The following AMBRA1 variants were observed in gnomAD, a reference collection of about 807,000 sequenced individuals.
AMBRA1 encodes activating molecule in BECN1-regulated autophagy protein 1.
Under a neutral mutation model 125.4 loss-of-function variants are expected in AMBRA1, and 47 were observed. The observed-to-expected ratio is 0.37, with a 90% confidence interval of 0.30 to 0.48. The LOEUF is 0.48. AMBRA1 is among the 20% of genes least tolerant of loss of function. The pLI is 0.99. For synonymous variants in AMBRA1, 626 were observed against 655.5 expected (o/e 0.95, Z 0.69); for missense variants, 1,331 against 1,693.4 (o/e 0.79, Z 3.76).
rs527739812 is a variant in AMBRA1, at chr11:46,508,110, T to C, written c.2339+81A>G. 289 of 1,420,056 alleles carry C rather than the reference T, an allele frequency of 2.0e-4. 2 individuals carry two copies. The East Asian group carries it at 6.2e-3, about 30-fold the overall frequency. The allele number at this position is 1,420,056 out of a possible 1,614,324, so 88.0% of individuals were successfully genotyped here. ...GAGTTGGGAGCAAGAACATCCACCA[T>C]TGTAGCTCCAACAGTGGCCAACTTG... On this transcript the variant is annotated intron_variant, in intron 9 of 17. Transcript: ENST00000683756.
chr11:46,534,685 T>C (rs1217953547), intron 7 of AMBRA1, among the ~76,000 whole-genome samples: 2 of 152,188 alleles, frequency 1.3e-5, no homozygotes, highest in Admixed American at 1.3e-4. Flanking sequence ...CTCTTCCTTT[T>C]TCTGAGAGAC....
At chr11:46,560,558 C>T (rs1178919997) in intron 1 of AMBRA1, among the ~76,000 whole-genome samples, 1 of 152,154 alleles carries the variant, frequency 6.6e-6, no homozygotes, top group Non-Finnish European at 1.5e-5. Flanking sequence ...ATTTTCCTTA[C>T]TCCCACTTAC....
At chr11:46,533,994 G>A (rs1489260710) in intron 7 of AMBRA1, among the ~76,000 whole-genome samples, 3 of 151,146 alleles carry the variant, frequency 2.0e-5, no homozygotes, top group Non-Finnish European at 4.4e-5. Flanking sequence ...GTTTGTTTTC[G>A]CACTTCTTTA....
chr11:46,577,899 G>T (rs1020148564), intron 1 of AMBRA1, among the ~76,000 whole-genome samples: 3 of 151,936 alleles, frequency 2.0e-5, no homozygotes, highest in African/African-American at 7.3e-5. Context: ...GCAGTGAGCC[G>T]ATATAGCACC....
chr11:46,493,016 T>C (rs182261904), intron 11 of AMBRA1, among the ~76,000 whole-genome samples: 2,288 of 152,320 alleles, frequency 0.015, 27 homozygotes, highest in Non-Finnish European at 0.023. Flanking sequence ...GCCACTGCAC[T>C]CCAGCCTGGG....
intron 7 of AMBRA1, chr11:46,530,502 CAGAT>C (rs1952167329): frequency 6.6e-6 from 1 of 152,270 alleles, no homozygotes; most frequent in African/African-American, 2.4e-5. Flanking sequence ...TGCTTCAGGC[CAGAT>C]AGTACAAGAA....
At chr11:46,469,049 A>T (rs908405819) in intron 11 of AMBRA1, among the ~76,000 whole-genome samples, 5 of 152,114 alleles carry the variant, frequency 3.3e-5, no homozygotes, top group Admixed American at 3.3e-4. Flanking sequence ...AGGCTGAGGC[A>T]GGAGAATCAC....
At position 46,409,362 on chromosome 11, in the gene AMBRA1, G is replaced by A. The variant is rs563390638; in HGVS notation, c.3210-656C>T. Among the ~76,000 whole-genome samples, 10 of 152,082 alleles carry A rather than the reference G, an allele frequency of 6.6e-5. No homozygotes were observed. In the South Asian group the frequency reaches 1.5e-3, roughly 22 times the overall value. On this transcript the variant is annotated intron_variant, in intron 16 of 17. Transcript: ENST00000683756. ...ATTACAGGCATACACCACCATGCTCGGCTAATTTTTGTATTTTTAGTAGAG... is the reference window on the plus strand; with the variant it reads ...ATTACAGGCATACACCACCATGCTCAGCTAATTTTTGTATTTTTAGTAGAG...
At chr11:46,489,463 T>G (rs574586600) in intron 11 of AMBRA1, among the ~76,000 whole-genome samples, 1 of 151,788 alleles carries the variant, frequency 6.6e-6, no homozygotes, top group South Asian at 2.1e-4. Context: ...TTTTTATATT[T>G]AAAAAGAAGA....
intron 11 of AMBRA1, among the ~76,000 whole-genome samples, chr11:46,460,712 G>A (rs931788896): frequency 6.6e-6 from 1 of 152,304 alleles, no homozygotes; most frequent in East Asian, 1.9e-4. Flanking sequence ...AAAGTCATAA[G>A]AGCAGATGCC....
At chr11:46,510,217 C>G (rs1951205038) in intron 8 of AMBRA1, among the ~76,000 whole-genome samples, 1 of 152,152 alleles carries the variant, frequency 6.6e-6, no homozygotes, top group Non-Finnish European at 1.5e-5. Flanking sequence ...ATGCCTTGGC[C>G]AAGAGAATCA....
At chr11:46,533,275 G>C (rs1043974910) in intron 7 of AMBRA1, among the ~76,000 whole-genome samples, 1 of 152,170 alleles carries the variant, frequency 6.6e-6, no homozygotes, top group Non-Finnish European at 1.5e-5. Context: ...GCAGATCTCT[G>C]AGCAGTGGCT....
intron 1 of AMBRA1, chr11:46,591,109 G>C (rs557849888): frequency 6.6e-6 from 1 of 152,188 alleles, no homozygotes; most frequent in South Asian, 2.1e-4. Flanking sequence ...TCCTAAGATT[G>C]CTTCATGACA....
At chr11:46,527,278 G>A (rs1464244794) in intron 7 of AMBRA1, among the ~76,000 whole-genome samples, 1 of 151,782 alleles carries the variant, frequency 6.6e-6, no homozygotes, top group African/African-American at 2.4e-5. Flanking sequence ...CCAGGAGTTC[G>A]AGACCAGCCT....
rs370631116 is a variant in AMBRA1, at chr11:46,508,180, T to A, written c.2339+11A>T. 6.2e-7 allele frequency: 1 copy of A among 1,613,740 alleles called. No individual in the cohort carries two copies. The highest frequency in any genetic ancestry group is 8.5e-7 in the Non-Finnish European group (1 of 1,179,840). On this transcript the variant is annotated intron_variant, in intron 9 of 17. Coordinates refer to ENST00000683756, the MANE Select transcript of AMBRA1 (RefSeq NM_001387011.1). ...AGGAGAGGGAAGAAAGCAAGCTGAG[T>A]ATGTACTTACTCAAAGTCCTCAAAT...
chr11:46,492,408 G>A (rs1950495337), intron 11 of AMBRA1, among the ~76,000 whole-genome samples: 1 of 152,176 alleles, frequency 6.6e-6, no homozygotes, highest in Non-Finnish European at 1.5e-5. Context: ...CACTGCCTCA[G>A]TAGATCCCTC....
chr11:46,411,892 T>C (rs897641740), intron 15 of AMBRA1, among the ~76,000 whole-genome samples: 19 of 151,948 alleles, frequency 1.3e-4, no homozygotes, highest in African/African-American at 3.4e-4. Context: ...TCCCAAAGTG[T>C]TGGGATTACA....
intron 1 of AMBRA1, among the ~76,000 whole-genome samples, chr11:46,559,697 T>C (rs1246710992): frequency 6.6e-6 from 1 of 152,178 alleles, no homozygotes; most frequent in Non-Finnish European, 1.5e-5. Context: ...CAGTCAAGTT[T>C]ATAACAAGAA....
At chr11:46,431,701 G>A (rs771732046) in intron 14 of AMBRA1, among the ~76,000 whole-genome samples, 2 of 152,188 alleles carry the variant, frequency 1.3e-5, no homozygotes, top group Non-Finnish European at 2.9e-5. Context: ...GCAGCTGTTG[G>A]GACTGGGATT....
Sources: gnomAD v4.1 joint callset for allele counts (sites outside exome capture counted in the v4.1 genomes callset) on GRCh38, gnomAD v4.1.1 for gene constraint, MANE v1.5 for transcripts, NCBI Gene and HGNC (gene_info 2026-07-23, HGNC 2026-07-21) for gene names.